Variants in DNAH14 observed in about 807,000 individuals in gnomAD.
The protein encoded by DNAH14 is axonemal beta dynein heavy chain 14.
Under a neutral mutation model 520.9 loss-of-function variants are expected in DNAH14, and 478 were observed. The observed-to-expected ratio is 0.92, with a 90% CI of 0.85 to 0.99. The LOEUF (loss-of-function observed/expected upper bound fraction) is 0.99, where lower values mean the gene tolerates loss of function less well. Ranked by LOEUF, DNAH14 falls within the 50% of genes least tolerant of loss-of-function variation. DNAH14 has a pLI of 0.00. For missense variants in DNAH14, 4,831 were observed against 5,234.5 expected (o/e 0.92, Z 2.38); for synonymous variants, 1,581 against 1,757.2 (o/e 0.90, Z 2.51).
intron 28 of DNAH14, among the ~76,000 whole-genome samples, chr1:225,142,924 T>C (rs558867379): frequency 5.4e-4 from 82 of 152,272 alleles, no homozygotes; most frequent in African/African-American, 1.9e-3. Context: ...AGACTCCATC[T>C]CAAATAAATA....
intron 12 of DNAH14, among the ~76,000 whole-genome samples, chr1:225,039,394 AT>A (rs1017715298): frequency 1.0e-4 from 14 of 134,356 alleles, no homozygotes; most frequent in South Asian, 2.7e-4. Context: ...AGATAAACTT[AT>A]TTTTTTTTAG....
intron 81 of DNAH14, among the ~76,000 whole-genome samples, chr1:225,383,982 C>G (rs375074059): frequency 3.3e-5 from 5 of 152,164 alleles, no homozygotes; most frequent in African/African-American, 1.2e-4. Flanking sequence ...TTTCGGCCTT[C>G]ATTTCGTCAT....
At chr1:224,935,037 A>C (rs553068965) in intron 1 of DNAH14, among the ~76,000 whole-genome samples, 1 of 152,014 alleles carries the variant, frequency 6.6e-6, no homozygotes, top group African/African-American at 2.4e-5. Context: ...AAGTAAAAGG[A>C]TGACATTTAT....
At chr1:225,064,709 A>G (rs1044544122) in intron 17 of DNAH14, among the ~76,000 whole-genome samples, 4 of 152,050 alleles carry the variant, frequency 2.6e-5, no homozygotes, top group African/African-American at 9.6e-5. Context: ...GAAACTTGAC[A>G]AGACAAATTT....
chr1:225,122,953 T>C (rs549473039), intron 26 of DNAH14, among the ~76,000 whole-genome samples: 12 of 152,266 alleles, frequency 7.9e-5, no homozygotes, highest in African/African-American at 1.2e-4. Context: ...CTAAGAGATA[T>C]AGTATCAATG....
rs187538045 is a variant in DNAH14 at position 225,094,883 on chromosome 1, A to C, written c.3574-2235A>C. On this transcript the variant is annotated intron_variant, in intron 21 of 85. Coordinates refer to ENST00000682510, the MANE Select transcript of DNAH14 (RefSeq NM_001367479.1). ...AAGGACACAAACAGACACTTTTCAAAAGAAGACATACACATGGCCAACAAG... is the reference window on the plus strand; with the variant it reads ...AAGGACACAAACAGACACTTTTCAACAGAAGACATACACATGGCCAACAAG... Among the ~76,000 whole-genome samples, 686 of 152,026 alleles carry C rather than the reference A, an allele frequency of 4.5e-3. 8 individuals carry two copies. Among genetic ancestry groups the C allele is most frequent in the Middle Eastern group, 0.01 (3 of 294 alleles).
At chr1:224,944,775 A>C (rs533146691) in intron 1 of DNAH14, among the ~76,000 whole-genome samples, 2 of 152,292 alleles carry the variant, frequency 1.3e-5, no homozygotes, top group Admixed American at 6.5e-5. Context: ...TGGATATGAA[A>C]TTCTGGGTTG....
At chr1:225,350,182 C>G (rs2095346030) in intron 71 of DNAH14, among the ~76,000 whole-genome samples, 1 of 151,882 alleles carries the variant, frequency 6.6e-6, no homozygotes, top group African/African-American at 2.4e-5. Flanking sequence ...TCTTAAACAC[C>G]CAATAGGTCA....
At chr1:225,308,916 G>A (rs1487797198) in intron 60 of DNAH14, among the ~76,000 whole-genome samples, 1 of 152,224 alleles carries the variant, frequency 6.6e-6, no homozygotes, top group East Asian at 1.9e-4. Flanking sequence ...TTCCTGCTCA[G>A]AGCAAGTCAA....
chr1:225,180,327 T>C (rs74338606), intron 36 of DNAH14, among the ~76,000 whole-genome samples: 3,233 of 152,326 alleles, frequency 0.021, 89 homozygotes, highest in African/African-American at 0.062. Context: ...CTACTTTCAC[T>C]GTGTGTCTTG....
intron 84 of DNAH14, 135 bp downstream of exon 84, chr1:225,392,586 C>A (rs1389879681): frequency 1.8e-6 from 2 of 1,090,584 alleles, no homozygotes; most frequent in Non-Finnish European, 2.6e-6. Context: ...ATCAACAAGC[C>A]CTGCTTCAAG....
At chr1:225,361,857 A>ACAGT (rs1553359148) in intron 75 of DNAH14, among the ~76,000 whole-genome samples, 1 of 151,422 alleles carries the variant, frequency 6.6e-6, no homozygotes, top group African/African-American at 2.4e-5. Flanking sequence ...CATCTCTACA[A>ACAGT]CAATCAATCA....
intron 7 of DNAH14, among the ~76,000 whole-genome samples, chr1:224,970,366 T>A (rs1162059730): frequency 1.3e-5 from 2 of 152,152 alleles, no homozygotes; most frequent in Admixed American, 6.5e-5. Context: ...GAAACTTCAT[T>A]GGCAATTTTA....
At position 225,374,429 on chromosome 1, in the gene DNAH14, T is replaced by A. The variant is rs375576248; in HGVS notation, c.12319-259T>A. Among the ~76,000 whole-genome samples the A allele has an allele frequency of 2.0e-4, 30 of 150,460 alleles. No homozygotes were observed. In the East Asian group the frequency reaches 5.8e-3, roughly 29 times the overall value. ...GCACATGCCACCATGCCCGGCTAAT[T>A]TTTGTATTTTTAGTAGAGATAGGGT... On this transcript the variant is annotated intron_variant, in intron 77 of 85. Transcript: ENST00000682510.
At chr1:225,020,432 G>A (rs980362869) in intron 10 of DNAH14, among the ~76,000 whole-genome samples, 3 of 140,220 alleles carry the variant, frequency 2.1e-5, no homozygotes, top group African/African-American at 7.7e-5. Context: ...GGGAGGCGGA[G>A]GTTGCAGTGA....
In DNAH14 at chr1:225,051,473, T is replaced by C. The variant is rs2068531333; in HGVS notation, c.2102T>C (p.Ile701Thr). ...CAGATTGTGAATCTCCTGACTATTA[T>C]TGGTAATTCAATGGGCCTAGTTAAT... ...QNIIVNLLTI[I>T]GNSMGLVNAY... The change falls in exon 17 of 86, where the codon ATT (isoleucine) becomes ACT (threonine). Residue 701 changes from isoleucine (I) to threonine (T), a missense_variant. By Grantham distance (89) the Ile-to-Thr change is moderately conservative. Coordinates refer to ENST00000682510, the MANE Select transcript of DNAH14 (RefSeq NM_001367479.1). The C allele has an allele frequency of 2.6e-6, 4 of 1,513,980 alleles. No homozygotes were observed. The highest frequency in any genetic ancestry group is 3.5e-6 in the Non-Finnish European group (4 of 1,131,000). 93.8% of individuals were successfully genotyped at this position (1,513,980 alleles called of 1,614,324 possible).
intron 10 of DNAH14, among the ~76,000 whole-genome samples, chr1:225,011,310 AT>A (rs1558674388): frequency 6.6e-6 from 1 of 152,044 alleles, no homozygotes; most frequent in East Asian, 1.9e-4. Flanking sequence ...CTTTGTTCTC[AT>A]TGGTTTCAAA....
intron 66 of DNAH14, among the ~76,000 whole-genome samples, chr1:225,335,885 GTACATATACA>G (rs1558438621): frequency 0.019 from 474 of 24,530 alleles, 17 homozygotes; most frequent in African/African-American, 0.088. Flanking sequence ...ATACATATAT[GTACATATACA>G]TACATATATG....
chr1:225,361,888 A>C (rs941660813), intron 75 of DNAH14, among the ~76,000 whole-genome samples: 1 of 149,788 alleles, frequency 6.7e-6, no homozygotes, highest in African/African-American at 2.5e-5. Flanking sequence ...CAATACTATT[A>C]TATAATTTCT....
Sources: allele counts gnomAD v4.1 joint callset (sites outside exome capture counted in the v4.1 genomes callset), GRCh38; gene constraint gnomAD v4.1.1; transcripts MANE v1.5; gene names NCBI Gene and HGNC (gene_info 2026-07-23, HGNC 2026-07-21).